CHRNB4: variants seen among roughly 807,000 people sequenced by gnomAD.
CHRNB4 encodes the protein neuronal acetylcholine receptor subunit beta-4.
Under a neutral mutation model 40.4 loss-of-function variants are expected in CHRNB4, and 23 were observed. That is an observed-to-expected ratio of 0.57 (90% CI 0.41 to 0.81). The LOEUF (loss-of-function observed/expected upper bound fraction) is 0.81, where lower values mean the gene tolerates loss of function less well. Ranked by LOEUF, CHRNB4 falls within the 30% of genes least tolerant of loss-of-function variation. The pLI, the probability that CHRNB4 is intolerant of heterozygous loss-of-function variation, is 0.00. For missense variants in CHRNB4, 568 were observed against 670.6 expected (o/e 0.85, Z 1.69); for synonymous variants, 285 against 274.4 (o/e 1.04, Z -0.38).
chr15:78,632,627 G>A (rs560891537), intron 2 of CHRNB4, among the ~76,000 whole-genome samples: 6 of 150,628 alleles, frequency 4.0e-5, no homozygotes, highest in South Asian at 4.2e-4. Flanking sequence ...TTTTTTTTTC[G>A]TAGCATTTCT....
At position 78,631,373 on chromosome 15, in the gene CHRNB4, G is replaced by A. The variant is rs746645899; in HGVS notation, c.205-41C>T. ...GGGCTATCAGTTCACCAGGAAGGAG[G>A]AGCCTCACAAATGGATTGCACTTTA... On this transcript the variant is annotated intron_variant, in intron 2 of 5. Coordinates refer to ENST00000261751, the MANE Select transcript of CHRNB4 (RefSeq NM_000750.5). 19 of 1,601,250 alleles carry A rather than the reference G, an allele frequency of 1.2e-5. No individual in the cohort carries two copies. In the South Asian group the frequency reaches 1.4e-4, roughly 12 times the overall value.
rs1336847012 is a variant in CHRNB4 at position 78,641,183 on chromosome 15, A to G, written c.-50T>C. 4 of 1,491,978 alleles carry G rather than the reference A, an allele frequency of 2.7e-6. No homozygotes were observed. The highest frequency in any genetic ancestry group is 3.6e-6 in the Non-Finnish European group (4 of 1,120,156). The allele number at this position is 1,491,978 out of a possible 1,614,324, so 92.4% of individuals were successfully genotyped here. On this transcript the variant is annotated 5_prime_UTR_variant, in exon 1 of 6. Transcript: ENST00000261751. Reference sequence around the variant, plus strand: ...GCCGCGAGCTCCGCTGTGGGGTCACAGGGCACCCGTGAGCCGCGCGGTCGA... The same window carrying G: ...GCCGCGAGCTCCGCTGTGGGGTCACGGGGCACCCGTGAGCCGCGCGGTCGA...
chr15:78,641,213 G>C (rs1567133603), upstream of CHRNB4: 4 of 1,309,024 alleles, frequency 3.1e-6, no homozygotes, highest in Non-Finnish European at 2.0e-6. Flanking sequence ...GGTCGAGTGA[G>C]CGCCGGTCCT....
exon 7 of CHRNB4, chr15:78,649,414 C>G: frequency 1.3e-5 from 6 of 455,358 alleles, no homozygotes; most frequent in Non-Finnish European, 2.6e-5. Context: ...GGCCAGCAAA[C>G]TACCGCCCAT....
intron 6 of CHRNB4, among the ~76,000 whole-genome samples, chr15:78,651,899 A>C (rs2054175527): frequency 6.6e-6 from 1 of 152,204 alleles, no homozygotes; most frequent in African/African-American, 2.4e-5. Context: ...ACGAGCCCAA[A>C]AGGGCTGCAG....
chr15:78,648,391 CAAA>C (rs745703762), intron 7 of CHRNB4, among the ~76,000 whole-genome samples: 9 of 73,488 alleles, frequency 1.2e-4, no homozygotes, highest in Non-Finnish European at 1.2e-4. Context: ...AGACTTGCCT[CAAA>C]AAAAAAAAAA....
At chr15:78,628,927 T>C (rs912059925) in intron 5 of CHRNB4, 40 bp downstream of exon 5, 5 of 1,574,298 alleles carry the variant, frequency 3.2e-6, no homozygotes, top group African/African-American at 2.7e-5. Flanking sequence ...TCTGAGCCCT[T>C]TCTGTTGGGC....
rs766091925 is a variant in CHRNB4, at chr15:78,629,867, A to AG, written c.437dup (p.Ala147CysfsTer10). ...TCTTGCAGGCGCTCTTGTAGATGGCAGGGGGCAGCCACAGGACGCTGCCGT... is the reference window on the plus strand; with the variant it reads ...TCTTGCAGGCGCTCTTGTAGATGGCAGGGGGGCAGCCACAGGACGCTGCCGT... On this transcript the variant is annotated frameshift_variant, in exon 5 of 6. Transcript: ENST00000261751. LOFTEE classifies it high-confidence loss of function. The surrounding 1 kb of genome is among the most constrained non-coding windows in gnomAD (Gnocchi z 6.8). The AG allele has an allele frequency of 7.4e-6, 12 of 1,613,596 alleles. No individual in the cohort carries two copies. Among genetic ancestry groups the AG allele is most frequent in the Non-Finnish European group, 9.3e-6 (11 of 1,179,998 alleles).
chr15:78,647,334 C>T (rs2054130391), intron 7 of CHRNB4, among the ~76,000 whole-genome samples: 1 of 151,488 alleles, frequency 6.6e-6, no homozygotes, highest in South Asian at 2.1e-4. Context: ...TATATATAAA[C>T]ATTTTATATA....
chr15:78,646,667 T>C (rs554509810), intron 7 of CHRNB4, among the ~76,000 whole-genome samples: 1 of 152,298 alleles, frequency 6.6e-6, no homozygotes, highest in East Asian at 1.9e-4. Flanking sequence ...GCAACTCTCC[T>C]GCATCTCTTC....
At chr15:78,648,612 G>GA (rs1269456898) in intron 7 of CHRNB4, among the ~76,000 whole-genome samples, 2 of 151,484 alleles carry the variant, frequency 1.3e-5, no homozygotes, top group African/African-American at 2.4e-5. Flanking sequence ...AAATTAGCCA[G>GA]GTGTGGTGGC....
chr15:78,630,614 A>C (rs918015904), intron 4 of CHRNB4, among the ~76,000 whole-genome samples: 1 of 152,220 alleles, frequency 6.6e-6, no homozygotes, highest in Non-Finnish European at 1.5e-5. Context: ...ATTTGAACTC[A>C]GGTCTGTCTG....
intron 1 of CHRNB4, among the ~76,000 whole-genome samples, chr15:78,640,827 G>GTGGCCC (rs1295240658): frequency 7.9e-5 from 12 of 152,198 alleles, no homozygotes; most frequent in Middle Eastern, 3.2e-3. Context: ...GCCCTGGAGG[G>GTGGCCC]TGGCCCTGGC....
At chr15:78,656,607 C>T (rs1184848559) in exon 4 of CHRNB4, 1 of 152,114 alleles carries the variant, frequency 6.6e-6, no homozygotes, top group Non-Finnish European at 1.5e-5. Context: ...CGTTTCACAA[C>T]AGGGATGTTG....
At position 78,629,488 on chromosome 15, in the gene CHRNB4, C is replaced by T. The variant is rs1197400836; in HGVS notation, c.817G>A (p.Ala273Thr). The part of the protein sequence containing the change: ...KMTLCISVLL[A>T]LTFFLLLISK... ...ATGAGCAGCAGGAAGAATGTCAGTG[C>T]CAGCAGCACTGAGATGCACAGTGTC... The change falls in exon 5 of 6, where the codon GCA becomes ACA. Residue 273 changes from alanine (A) to threonine (T), a missense_variant. Ala to Thr is a moderately conservative substitution (Grantham distance 58). This residue lies in a region of CHRNB4 where 38 missense variants were observed against 80.3 expected (regional missense o/e 0.47). Transcript: ENST00000261751. The surrounding 1 kb of genome is among the most constrained non-coding windows in gnomAD (Gnocchi z 6.8). 9 of 1,613,992 alleles carry T rather than the reference C, an allele frequency of 5.6e-6. No homozygotes were observed. The highest frequency in any genetic ancestry group is 7.6e-6 in the Non-Finnish European group (9 of 1,180,022).
At chr15:78,647,510 T>C (rs1448108606) in intron 7 of CHRNB4, among the ~76,000 whole-genome samples, 2 of 151,724 alleles carry the variant, frequency 1.3e-5, no homozygotes, top group African/African-American at 4.8e-5. Context: ...AATGAGATAC[T>C]AGCATTCCTA....
upstream of CHRNB4, among the ~76,000 whole-genome samples, chr15:78,641,430 C>T (rs1851719540): frequency 6.6e-6 from 1 of 152,192 alleles, no homozygotes. Flanking sequence ...GTGCGGGCAC[C>T]CTTGGTACAG....
At chr15:78,633,293 C>G (rs551624787) in intron 2 of CHRNB4, among the ~76,000 whole-genome samples, 3 of 152,304 alleles carry the variant, frequency 2.0e-5, no homozygotes, top group African/African-American at 7.2e-5. Context: ...GTAACACAGG[C>G]TTAAATAAAG....
chr15:78,655,403 CATATCTATATATATCTATATATCT>C (rs1354164746), intron 5 of CHRNB4: 7 of 147,842 alleles, frequency 4.7e-5, no homozygotes, highest in African/African-American at 1.5e-4. Context: ...ATATACGTTA[CATATCTATATATATCTATATATCT>C]ATATCTATAT....
Sources: gnomAD v4.1 joint callset for allele counts (sites outside exome capture counted in the v4.1 genomes callset) on GRCh38, gnomAD v4.1.1 for gene constraint, gnomAD v4.1.1 regional missense constraint, Gnocchi (gnomAD v3.1) non-coding constraint, MANE v1.5 for transcripts, NCBI Gene and HGNC (gene_info 2026-07-23, HGNC 2026-07-21) for gene names.